The following CALCR variants were observed in gnomAD, a reference collection of about 807,000 sequenced individuals.
CALCR encodes calcitonin receptor.
In CALCR, 47 loss-of-function variants were observed where a neutral mutation model predicts 59.5. The ratio of observed to expected loss-of-function variants is 0.79; its 90% CI spans 0.63 to 1.01. The LOEUF (loss-of-function observed/expected upper bound fraction) is 1.01. Among genes scored for constraint, CALCR ranks in the 50% least tolerant of loss-of-function variants. The pLI is 0.00. For missense variants in CALCR, 566 were observed against 597.1 expected (o/e 0.95, Z 0.54); for synonymous variants, 213 against 211.3 (o/e 1.01, Z -0.07).
At chr7:93,472,182 T>C (rs1246702108) in intron 6 of CALCR, among the ~76,000 whole-genome samples, 193 bp downstream of exon 6, 2 of 151,804 alleles carry the variant, frequency 1.3e-5, no homozygotes, top group Non-Finnish European at 2.9e-5. Context: ...TGACTCTGAG[T>C]GCCAACCAAG....
At chr7:93,493,869 AT>A (rs1801138984) in intron 2 of CALCR, among the ~76,000 whole-genome samples, 1 of 151,362 alleles carries the variant, frequency 6.6e-6, no homozygotes, top group Admixed American at 6.6e-5. Flanking sequence ...ACCTCCATAT[AT>A]TGGGTGAGAC....
chr7:93,548,874 GTGTGTC>G (rs1272450759), intron 2 of CALCR, among the ~76,000 whole-genome samples: 326 of 75,880 alleles, frequency 4.3e-3, no homozygotes, highest in African/African-American at 0.01. Flanking sequence ...GTGTGTGTGT[GTGTGTC>G]TGTGTGTGTG....
chr7:93,538,747 A>G (rs987354252), intron 2 of CALCR, among the ~76,000 whole-genome samples: 3 of 152,086 alleles, frequency 2.0e-5, no homozygotes, highest in African/African-American at 7.2e-5. Flanking sequence ...CATGTGTGCT[A>G]TACCTCCTAG....
chr7:93,503,824 A>G (rs1380130508), intron 2 of CALCR, among the ~76,000 whole-genome samples: 1 of 152,152 alleles, frequency 6.6e-6, no homozygotes, highest in African/African-American at 2.4e-5. Context: ...AATCCCCAAT[A>G]AGGAACAACC....
intron 7 of CALCR, among the ~76,000 whole-genome samples, chr7:93,462,435 T>G (rs1042387939): frequency 3.3e-5 from 5 of 152,066 alleles, no homozygotes; most frequent in Non-Finnish European, 5.9e-5. Context: ...AATTTAAATT[T>G]AAACAAAAAA....
At position 93,425,504 on chromosome 7, in the gene CALCR, A is replaced by G. The variant is rs1234300345; in HGVS notation, c.*852T>C. 6.7e-6 allele frequency: 1 copy of G among 150,020 alleles called. No homozygotes were observed. The highest frequency in any genetic ancestry group is 1.5e-5 in the Non-Finnish European group (1 of 67,280). 9.3% of individuals were successfully genotyped at this position (150,020 alleles called of 1,614,324 possible). ...CTTTATAAATCCTGGAGTTTAGGGG[A>G]GTGGCAAACTCTCTTTAAAGGGAGT... On this transcript the variant is annotated 3_prime_UTR_variant, in exon 14 of 14. Transcript: ENST00000426151.
In CALCR at chr7:93,426,135, TGGA is replaced by T. The variant is rs200994039; in HGVS notation, c.*218_*220del. ...TTGCATCTCAGTCCTGGATGAATGA[TGGA>T]GTTCACAAGTTGCAGTGGGAGACTC... On this transcript the variant is annotated 3_prime_UTR_variant, in exon 14 of 14. Transcript: ENST00000426151. The T allele has an allele frequency of 4.4e-4, 219 of 502,760 alleles. No homozygotes were observed. The highest frequency in any genetic ancestry group is 3.8e-3 in the African/African-American group (196 of 52,046). 31.1% of individuals were successfully genotyped at this position (502,760 alleles called of 1,614,324 possible).
rs1383104479 is a variant in CALCR at position 93,530,094 on chromosome 7, TA to T, written c.-26-43088del. On this transcript the variant is annotated intron_variant, in intron 2 of 13. Transcript: ENST00000426151. The stretch of plus-strand genomic sequence containing the variant: ...ACTATTATTTTTAAAAATCAAGTTC[TA>T]AAAAGAGCTCCTTCCAATTATTACT... Among the ~76,000 whole-genome samples, 13 of 152,256 alleles carry T rather than the reference TA, an allele frequency of 8.5e-5. No homozygotes were observed. In the East Asian group the frequency reaches 2.5e-3, roughly 29 times the overall value.
At chr7:93,570,056 T>C (rs1301201458) in intron 2 of CALCR, among the ~76,000 whole-genome samples, 4 of 151,050 alleles carry the variant, frequency 2.6e-5, no homozygotes, top group Non-Finnish European at 4.4e-5. Flanking sequence ...AAATCAGGAG[T>C]CAATTTTTCT....
chr7:93,503,679 C>T (rs6951088), intron 2 of CALCR, among the ~76,000 whole-genome samples: 26,979 of 152,030 alleles, frequency 0.18, 5,861 homozygotes, highest in African/African-American at 0.51. Context: ...TTCCCTATGG[C>T]GTAGCTTTGG....
At chr7:93,569,223 C>T (rs918436708) in intron 2 of CALCR, among the ~76,000 whole-genome samples, 4 of 152,000 alleles carry the variant, frequency 2.6e-5, no homozygotes, top group Non-Finnish European at 5.9e-5. Context: ...GAGAGATCTA[C>T]CAAAATGGCA....
intron 3 of CALCR, among the ~76,000 whole-genome samples, chr7:93,486,072 T>C (rs909858989): frequency 3.3e-5 from 5 of 151,654 alleles, no homozygotes; most frequent in African/African-American, 1.2e-4. Flanking sequence ...TCGAACCCTA[T>C]GCAAGCTTTG....
intron 2 of CALCR, among the ~76,000 whole-genome samples, chr7:93,495,583 C>T (rs1315482458): frequency 6.6e-6 from 1 of 151,320 alleles, no homozygotes; most frequent in East Asian, 1.9e-4. Context: ...CACTTTTATA[C>T]CAGCTTCTTA....
In CALCR at chr7:93,513,838, CAT is replaced by C. The variant is rs536210339; in HGVS notation, c.-26-26833_-26-26832del. Among the ~76,000 whole-genome samples, 753 of 150,616 alleles carry C rather than the reference CAT, an allele frequency of 5.0e-3. 3 individuals are homozygous for C. The highest frequency in any genetic ancestry group is 0.017 in the African/African-American group (700 of 41,318). On this transcript the variant is annotated intron_variant, in intron 2 of 13. Transcript: ENST00000426151. ...ATATTTGTTTTTATTTACAAATAAA[CAT>C]ATAGATATTTATTTCATTTACAAAT...
At chr7:93,434,977 G>A (rs1799742321) in intron 12 of CALCR, among the ~76,000 whole-genome samples, 1 of 152,092 alleles carries the variant, frequency 6.6e-6, no homozygotes, top group South Asian at 2.1e-4. Flanking sequence ...CAAAACTCTG[G>A]CCTAAGAGCC....
At chr7:93,433,380 T>G (rs895747354) in intron 13 of CALCR, among the ~76,000 whole-genome samples, 3 of 152,202 alleles carry the variant, frequency 2.0e-5, no homozygotes, top group African/African-American at 7.2e-5. Flanking sequence ...TGTGTGGTCC[T>G]AGAAAAAACA....
At chr7:93,433,056 G>T (rs1185870448) in intron 13 of CALCR, among the ~76,000 whole-genome samples, 1 of 152,118 alleles carries the variant, frequency 6.6e-6, no homozygotes, top group African/African-American at 2.4e-5. Flanking sequence ...TAGGTGAATG[G>T]ATGAAGAAAG....
At chr7:93,493,796 A>C (rs1245711205) in intron 2 of CALCR, among the ~76,000 whole-genome samples, 1 of 151,392 alleles carries the variant, frequency 6.6e-6, no homozygotes, top group East Asian at 1.9e-4. Flanking sequence ...AATTCAGGAG[A>C]GGAAAGTAGG....
chr7:93,430,100 T>A (rs1029430583), intron 13 of CALCR, among the ~76,000 whole-genome samples: 1 of 21,686 alleles, frequency 4.6e-5, no homozygotes, highest in African/African-American at 3.2e-4. Flanking sequence ...CCCGGCTAAT[T>A]TTTTTTTTGT....
Sources: gnomAD v4.1 joint callset for allele counts (sites outside exome capture counted in the v4.1 genomes callset) on GRCh38, gnomAD v4.1.1 for gene constraint, MANE v1.5 for transcripts, NCBI Gene and HGNC (gene_info 2026-07-23, HGNC 2026-07-21) for gene names.